LARGE1: variants seen among roughly 807,000 people sequenced by gnomAD.
The protein encoded by LARGE1 is xylosyl- and glucuronyltransferase LARGE1.
LARGE1 carries 43 observed loss-of-function variants against 87.6 expected under a neutral mutation model. That is an observed-to-expected ratio of 0.49 (90% CI 0.38 to 0.63). The LOEUF is 0.63. LARGE1 is among the 30% of genes least tolerant of loss of function. The pLI, the probability that LARGE1 is intolerant of heterozygous loss-of-function variation, is 0.00. For missense variants in LARGE1, 802 were observed against 1,000.2 expected (o/e 0.80, Z 2.67); for synonymous variants, 434 against 394.6 (o/e 1.10, Z -1.18).
the LARGE1 span, among the ~76,000 whole-genome samples, chr22:33,078,895 A>G: frequency 1.3e-5 from 2 of 152,190 alleles, no homozygotes; most frequent in African/African-American, 4.8e-5. Flanking sequence ...CTCTTGATCT[A>G]AGTTTTAAAA....
chr22:33,693,519 A>G (rs1020517796), intron 2 of LARGE1, among the ~76,000 whole-genome samples: 1 of 152,250 alleles, frequency 6.6e-6, no homozygotes, highest in Non-Finnish European at 1.5e-5. Context: ...AACAAGAGTC[A>G]TTCTACTATG....
At chr22:33,385,223 C>T (rs1439115134) in intron 7 of LARGE1, among the ~76,000 whole-genome samples, 1 of 148,526 alleles carries the variant, frequency 6.7e-6, no homozygotes, top group Non-Finnish European at 1.5e-5. Context: ...TTGTCTATAT[C>T]CTTTTGTGTT....
At chr22:33,125,955 C>A in the LARGE1 span, among the ~76,000 whole-genome samples, 1 of 151,914 alleles carries the variant, frequency 6.6e-6, no homozygotes, top group South Asian at 2.1e-4. Flanking sequence ...ACTGTGTTGG[C>A]GAGGCTGGTC....
At chr22:33,658,662 C>A (rs1404490191) in intron 2 of LARGE1, among the ~76,000 whole-genome samples, 1 of 152,108 alleles carries the variant, frequency 6.6e-6, no homozygotes, top group Admixed American at 6.6e-5. Flanking sequence ...TGTATATGTA[C>A]CATATTTTCT....
chr22:33,568,356 C>A (rs1443751980), intron 5 of LARGE1, among the ~76,000 whole-genome samples: 1 of 152,184 alleles, frequency 6.6e-6, no homozygotes, highest in Non-Finnish European at 1.5e-5. Flanking sequence ...TATGCATCAG[C>A]CTCATGGAGC....
chr22:33,624,076 G>C (rs2079844632), intron 4 of LARGE1, among the ~76,000 whole-genome samples: 1 of 152,092 alleles, frequency 6.6e-6, no homozygotes, highest in South Asian at 2.1e-4. Flanking sequence ...ACGAACTGCT[G>C]ACAATCACTC....
Position 33,316,253 on chromosome 22 carries a change from A to C in LARGE1, c.1288-5T>G, listed in dbSNP as rs1341758437. On this transcript the variant is annotated splice_polypyrimidine_tract_variant and splice_region_variant and intron_variant, in intron 10 of 14. Coordinates refer to ENST00000397394, the MANE Select transcript of LARGE1 (RefSeq NM_133642.5). ...CTCAGACAGCTGCTTCTGGAGCTGC[A>C]GGGTAGGAGAGAGGGCTTGGGCACG... The C allele has an allele frequency of 6.2e-7, 1 of 1,613,084 alleles. No homozygotes were observed.
chr22:33,739,819 A>T (rs1424165240), intron 2 of LARGE1, among the ~76,000 whole-genome samples: 2 of 152,214 alleles, frequency 1.3e-5, no homozygotes, highest in Non-Finnish European at 1.5e-5. Flanking sequence ...CTATTAATAC[A>T]GAATCACTGA....
At position 33,825,391 on chromosome 22, in the gene LARGE1, T is replaced by TTATAATA. The variant is rs150145209; in HGVS notation, c.-82-63834_-82-63833insTATTATA. On this transcript the variant is annotated intron_variant, in intron 1 of 14. Transcript: ENST00000397394. ...ATACCCGAGACTGGGTAATTGCTAA[T>TTATAATA]AAAGACATACCCGAGACTGGGTAAT... Among the ~76,000 whole-genome samples the TTATAATA allele has an allele frequency of 5.8e-5, 7 of 120,686 alleles. No homozygotes were observed. The East Asian group carries it at 8.9e-4, about 15-fold the overall frequency. The allele number at this position is 120,686 out of a possible 152,430, so 79.2% of individuals were successfully genotyped here. A position where few individuals can be genotyped will look rare whatever the true frequency, so the allele number is the denominator to read the frequency against.
intron 1 of LARGE1, among the ~76,000 whole-genome samples, chr22:33,818,201 G>A (rs982937138): frequency 1.3e-5 from 2 of 152,152 alleles, no homozygotes; most frequent in African/African-American, 4.8e-5. Flanking sequence ...ATCCAGCTGT[G>A]CCCCCTCAAG....
At chr22:33,347,038 T>G (rs1939845360) in intron 9 of LARGE1, among the ~76,000 whole-genome samples, 1 of 152,242 alleles carries the variant, frequency 6.6e-6, no homozygotes, top group Non-Finnish European at 1.5e-5. Context: ...GTCAACACAT[T>G]GCTCTCCTAT....
At chr22:33,187,418 T>C (rs974598376) in intron 11 of LARGE1, among the ~76,000 whole-genome samples, 1 of 152,160 alleles carries the variant, frequency 6.6e-6, no homozygotes, top group Non-Finnish European at 1.5e-5. Context: ...ATCTCACTTA[T>C]ATGTGGAATC....
At chr22:33,579,970 G>T (rs992474481) in intron 5 of LARGE1, among the ~76,000 whole-genome samples, 1 of 152,122 alleles carries the variant, frequency 6.6e-6, no homozygotes, top group East Asian at 1.9e-4. Flanking sequence ...ATATTTAAGC[G>T]TCCTTGATCT....
At chr22:33,666,536 C>T (rs182493511) in intron 2 of LARGE1, among the ~76,000 whole-genome samples, 1 of 152,306 alleles carries the variant, frequency 6.6e-6, no homozygotes, top group African/African-American at 2.4e-5. Flanking sequence ...ATTCTGCCTT[C>T]TGTAGCCTAC....
chr22:33,575,796 C>A (rs1226230569), intron 5 of LARGE1, among the ~76,000 whole-genome samples: 1 of 152,132 alleles, frequency 6.6e-6, no homozygotes, highest in East Asian at 1.9e-4. Flanking sequence ...GGAATGTGAT[C>A]GTGGATCTAC....
At chr22:33,251,764 GCA>G (rs1288653187) in intron 11 of LARGE1, among the ~76,000 whole-genome samples, 3 of 152,178 alleles carry the variant, frequency 2.0e-5, no homozygotes, top group South Asian at 2.1e-4. Flanking sequence ...ATGGAAATTT[GCA>G]CAGTCTTTCA....
At chr22:33,358,758 G>T (rs1004543182) in intron 9 of LARGE1, among the ~76,000 whole-genome samples, 2 of 152,016 alleles carry the variant, frequency 1.3e-5, no homozygotes, top group Admixed American at 1.3e-4. Context: ...AGGCCGAGCC[G>T]GGTGGATCAT....
At chr22:33,092,612 C>T in the LARGE1 span, among the ~76,000 whole-genome samples, 95 of 152,024 alleles carry the variant, frequency 6.2e-4, no homozygotes, top group Non-Finnish European at 9.3e-4. Context: ...TGATGTTCTC[C>T]CTCCCCCTAC....
intron 1 of LARGE1, among the ~76,000 whole-genome samples, chr22:33,826,059 G>A (rs2062773773): frequency 6.6e-6 from 1 of 152,152 alleles, no homozygotes; most frequent in Non-Finnish European, 1.5e-5. Flanking sequence ...GTTCACTTCT[G>A]TCTTTTTTTA....
Sources: gnomAD v4.1 joint callset for allele counts (sites outside exome capture counted in the v4.1 genomes callset) on GRCh38, gnomAD v4.1.1 for gene constraint, MANE v1.5 for transcripts, NCBI Gene and HGNC (gene_info 2026-07-23, HGNC 2026-07-21) for gene names.